The following DOCK1 variants were observed in gnomAD, a reference collection of about 807,000 sequenced individuals.
DOCK1 encodes dedicator of cytokinesis 1.
In DOCK1, 138 loss-of-function variants were observed where a neutral mutation model predicts 262.7. That is an observed-to-expected ratio of 0.53 (90% CI 0.46 to 0.61). The LOEUF is 0.61. Ranked by LOEUF, DOCK1 falls within the 20% of genes least tolerant of loss-of-function variation. DOCK1 has a pLI of 0.00. For synonymous variants in DOCK1, 866 were observed against 867.4 expected, an observed-to-expected ratio of 1.00 and a Z score of 0.03; for missense variants, 1,908 against 2,370.7, an observed-to-expected ratio of 0.80 and a Z score of 4.05.
intron 21 of DOCK1, among the ~76,000 whole-genome samples, chr10:127,043,978 C>G (rs975178563): frequency 6.6e-6 from 1 of 151,972 alleles, no homozygotes; most frequent in Admixed American, 6.6e-5. Flanking sequence ...TATTGGGTTT[C>G]ATTATCATTA....
intron 1 of DOCK1, among the ~76,000 whole-genome samples, chr10:126,941,231 CAG>C (rs1313003958): frequency 6.6e-6 from 1 of 152,080 alleles, no homozygotes; most frequent in Non-Finnish European, 1.5e-5. Context: ...CTAGTGGACA[CAG>C]GGGACAAGAG....
At chr10:127,420,190 T>C (rs114334077) in intron 46 of DOCK1, among the ~76,000 whole-genome samples, 2,249 of 152,188 alleles carry the variant, frequency 0.015, 49 homozygotes, top group African/African-American at 0.046. Context: ...CCTCTGGCGG[T>C]GGTGTGCGTC....
intron 1 of DOCK1, among the ~76,000 whole-genome samples, chr10:126,911,875 G>A (rs1283261188): frequency 6.6e-6 from 1 of 152,212 alleles, no homozygotes; most frequent in Non-Finnish European, 1.5e-5. Flanking sequence ...ATGATGGGAA[G>A]TGCTTTGGAG....
chr10:126,987,686 A>G (rs1047058729), intron 5 of DOCK1, 69 bp downstream of exon 5: 4 of 1,310,054 alleles, frequency 3.1e-6, no homozygotes, highest in African/African-American at 3.0e-5. Context: ...TGATATGCCA[A>G]TGGGATGTTT....
intron 23 of DOCK1, among the ~76,000 whole-genome samples, chr10:127,086,673 T>C (rs1232240883): frequency 1.3e-5 from 2 of 152,194 alleles, no homozygotes; most frequent in African/African-American, 4.8e-5. Context: ...AAAATTTTTC[T>C]GTGGTTCTTA....
chr10:127,209,366 A>G (rs1161398870), intron 27 of DOCK1, among the ~76,000 whole-genome samples: 1 of 152,194 alleles, frequency 6.6e-6, no homozygotes, highest in African/African-American at 2.4e-5. Context: ...CTGTGTGGGA[A>G]AACCTCATCC....
At chr10:127,451,210 A>G (rs937529748) in intron 51 of DOCK1, 122 bp from the exon 52 acceptor site, 15 of 1,120,112 alleles carry the variant, frequency 1.3e-5, no homozygotes, top group Non-Finnish European at 1.8e-5. Context: ...ATGGAGCCCA[A>G]CTCATGTGGG....
chr10:127,214,926 G>A (rs1403170369), intron 27 of DOCK1, among the ~76,000 whole-genome samples: 1 of 152,136 alleles, frequency 6.6e-6, no homozygotes, highest in Non-Finnish European at 1.5e-5. Flanking sequence ...CTATGTGATG[G>A]AATATGGTAG....
chr10:127,288,794 C>T (rs1403829398), intron 29 of DOCK1, among the ~76,000 whole-genome samples: 1 of 150,422 alleles, frequency 6.6e-6, no homozygotes, highest in Non-Finnish European at 1.5e-5. Context: ...CACACACACA[C>T]ACACACACAC....
chr10:127,112,056 G>A (rs561382650), intron 25 of DOCK1, among the ~76,000 whole-genome samples: 2 of 150,742 alleles, frequency 1.3e-5, no homozygotes, highest in Admixed American at 6.6e-5. Flanking sequence ...CTGTTGCCGA[G>A]GCTGGAGTGC....
intron 11 of DOCK1, among the ~76,000 whole-genome samples, chr10:127,011,861 T>G (rs1273439983): frequency 6.6e-6 from 1 of 152,158 alleles, no homozygotes; most frequent in Non-Finnish European, 1.5e-5. Flanking sequence ...TGTTCAGAAT[T>G]AATTGAAATT....
chr10:127,364,022 C>T (rs1464238145), intron 33 of DOCK1, among the ~76,000 whole-genome samples: 2 of 152,200 alleles, frequency 1.3e-5, no homozygotes, highest in East Asian at 3.9e-4. Context: ...GTGCCTGGCA[C>T]TATAAAAGGT....
chr10:126,940,678 A>C (rs1326305594), intron 1 of DOCK1, among the ~76,000 whole-genome samples: 3 of 152,220 alleles, frequency 2.0e-5, no homozygotes, highest in Non-Finnish European at 4.4e-5. Context: ...TGCTGGGATT[A>C]TAGGCGTGAG....
Position 127,100,205 on chromosome 10 carries a change from T to C in DOCK1, c.2446-6026T>C, listed in dbSNP as rs1023529283. Among the ~76,000 whole-genome samples, 1 of 151,962 alleles carries C rather than the reference T, an allele frequency of 6.6e-6. No homozygotes were observed. The highest frequency in any genetic ancestry group is 1.5e-5 in the Non-Finnish European group (1 of 67,980). The stretch of plus-strand genomic sequence containing the variant: ...GAGGAGTGTCCTTGAGGGGTCAGCG[T>C]GGAGGCAGGGAGGGCGGGTAGGAGG... On this transcript the variant is annotated intron_variant, in intron 23 of 51. Transcript: ENST00000623213. This position sits in a 1 kb window ranked among gnomAD's most constrained non-coding sequence, Gnocchi z 5.5.
intron 44 of DOCK1, among the ~76,000 whole-genome samples, chr10:127,415,734 C>T (rs2068113948): frequency 6.6e-6 from 1 of 152,186 alleles, no homozygotes; most frequent in African/African-American, 2.4e-5. Flanking sequence ...CGATTTCCAG[C>T]TCTCAACAAA....
chr10:127,369,601 G>A (rs892178946), intron 33 of DOCK1, among the ~76,000 whole-genome samples: 14 of 152,184 alleles, frequency 9.2e-5, no homozygotes, highest in Non-Finnish European at 1.5e-4. Flanking sequence ...ATAAGGAGCC[G>A]CTGCACCTGT....
At chr10:127,036,981 GAAAAAA>G (rs11429952) in intron 18 of DOCK1, among the ~76,000 whole-genome samples, 2 of 128,036 alleles carry the variant, frequency 1.6e-5, no homozygotes, top group South Asian at 2.5e-4. Flanking sequence ...CCATCTCAAG[GAAAAAA>G]AAAAAAAAAA....
chr10:127,059,105 G>GT (rs1306978556), intron 22 of DOCK1, among the ~76,000 whole-genome samples: 1 of 152,102 alleles, frequency 6.6e-6, no homozygotes, highest in Non-Finnish European at 1.5e-5. Context: ...TAGGTTGGAA[G>GT]TTATTTTCTT....
chr10:127,020,096 A>G (rs1473341349), intron 13 of DOCK1, among the ~76,000 whole-genome samples: 1 of 152,244 alleles, frequency 6.6e-6, no homozygotes, highest in African/African-American at 2.4e-5. Context: ...TGGTTAGGCT[A>G]AATAATAGCT....
Sources: allele counts gnomAD v4.1 joint callset (sites outside exome capture counted in the v4.1 genomes callset), GRCh38; gene constraint gnomAD v4.1.1; non-coding constraint Gnocchi (gnomAD v3.1); transcripts MANE v1.5; gene names NCBI Gene and HGNC (gene_info 2026-07-23, HGNC 2026-07-21).